CACNA1C: variants seen among roughly 807,000 people sequenced by gnomAD.
CACNA1C encodes voltage-dependent L-type calcium channel subunit alpha-1C.
CACNA1C carries 30 observed loss-of-function variants against 229.0 expected under a neutral mutation model. The observed-to-expected ratio is 0.13, with a 90% CI of 0.10 to 0.18. CACNA1C has a LOEUF of 0.18. Among genes scored for constraint, CACNA1C ranks in the 10% least tolerant of loss-of-function variants. The pLI is 1.00. For synonymous variants in CACNA1C, 1,114 were observed against 1,132.5 expected, an observed-to-expected ratio of 0.98 and a Z score of 0.33; for missense variants, 1,658 against 2,845.0, an observed-to-expected ratio of 0.58 and a Z score of 9.49.
At chr12:2,074,680 G>A (rs2238019) in intron 1 of CACNA1C, among the ~76,000 whole-genome samples, 109,313 of 152,084 alleles carry the variant, frequency 0.72, 39,640 homozygotes, top group Middle Eastern at 0.81. Context: ...TGCCCTTTCC[G>A]CAGCAAATGG....
At chr12:2,395,654 A>T (rs1057377403) in intron 3 of CACNA1C, among the ~76,000 whole-genome samples, 13 of 152,212 alleles carry the variant, frequency 8.5e-5, no homozygotes, top group African/African-American at 3.1e-4. Context: ...GGAACCATCC[A>T]GGAGAAACCA....
intron 5 of CACNA1C, among the ~76,000 whole-genome samples, chr12:2,477,168 C>T (rs1248354618): frequency 6.6e-6 from 1 of 152,196 alleles, no homozygotes; most frequent in East Asian, 1.9e-4. Flanking sequence ...CTAGCCAGTG[C>T]AACATGATTC....
At chr12:2,364,152 G>A (rs1310884886) in intron 3 of CACNA1C, among the ~76,000 whole-genome samples, 2 of 152,172 alleles carry the variant, frequency 1.3e-5, no homozygotes, top group Non-Finnish European at 2.9e-5. Flanking sequence ...AGGTGAGGCC[G>A]GAGTGAAGGC....
chr12:2,288,402 C>T (rs1019585768), intron 3 of CACNA1C, among the ~76,000 whole-genome samples: 5 of 152,202 alleles, frequency 3.3e-5, no homozygotes, highest in African/African-American at 1.2e-4. Context: ...ACCTAGAAAG[C>T]ATGGTCAGTT....
At chr12:2,078,809 G>A (rs1331380605) in intron 1 of CACNA1C, among the ~76,000 whole-genome samples, 1 of 152,188 alleles carries the variant, frequency 6.6e-6, no homozygotes, top group South Asian at 2.1e-4. Context: ...AAATCATGCT[G>A]CTATAAAGAC....
chr12:2,564,951 C>T (rs998717164), intron 11 of CACNA1C, among the ~76,000 whole-genome samples: 3 of 152,184 alleles, frequency 2.0e-5, no homozygotes, highest in East Asian at 3.9e-4. Flanking sequence ...GCAGTCTCCT[C>T]CTCAGCACCT....
At chr12:2,056,175 G>A (rs2054667949) in intron 1 of CACNA1C, among the ~76,000 whole-genome samples, 2 of 150,220 alleles carry the variant, frequency 1.3e-5, no homozygotes, top group Non-Finnish European at 3.0e-5. Context: ...CGTGGAGTGT[G>A]TGCATGTGTG....
chr12:2,597,171 C>A lies in CACNA1C; in HGVS notation c.2794-59C>A. 9.0e-7 allele frequency: 1 copy of A among 1,108,622 alleles called. No individual in the cohort carries two copies. The highest frequency in any genetic ancestry group is 1.4e-6 in the Non-Finnish European group (1 of 728,186). 68.7% of individuals were successfully genotyped at this position (1,108,622 alleles called of 1,614,324 possible). On this transcript the variant is annotated intron_variant, in intron 20 of 46. Coordinates refer to ENST00000399655, the MANE Select transcript of CACNA1C (RefSeq NM_000719.7). The surrounding 1 kb of genome is among the most constrained non-coding windows in gnomAD (Gnocchi z 4.3). The stretch of plus-strand genomic sequence containing the variant: ...GGTGAACATCCACTGACCTCTCTTC[C>A]CGTCCTGCTTTTCTCCCTTCCCCAT...
intron 3 of CACNA1C, among the ~76,000 whole-genome samples, chr12:2,316,899 C>T (rs187478539): frequency 1.1e-4 from 17 of 152,270 alleles, no homozygotes; most frequent in East Asian, 5.8e-4. Flanking sequence ...GAGACTTGGA[C>T]TGAATGAGAA....
In CACNA1C at chr12:2,608,485, TC is replaced by T. The variant is rs1349719243; in HGVS notation, c.3357-25del. On this transcript the variant is annotated intron_variant, in intron 26 of 46. Coordinates refer to ENST00000399655, the MANE Select transcript of CACNA1C (RefSeq NM_000719.7). The surrounding 1 kb of genome is among the most constrained non-coding windows in gnomAD (Gnocchi z 4.2). ...AGGGGACCCTGCTTCTCCAGTTCCC[TC>T]TGTGGGACCTGTCTCCTCCTGCAGG... The T allele has an allele frequency of 6.4e-7, 1 of 1,572,874 alleles. No homozygotes were observed. The highest frequency in any genetic ancestry group is 1.4e-5 in the African/African-American group (1 of 74,034).
intron 30 of CACNA1C, among the ~76,000 whole-genome samples, chr12:2,645,272 G>A (rs147661206): frequency 2.0e-5 from 3 of 152,224 alleles, no homozygotes; most frequent in South Asian, 2.1e-4. Context: ...GGAATCCTAC[G>A]GCCCCTTTCT....
chr12:2,434,077 T>C (rs140262692), intron 3 of CACNA1C, among the ~76,000 whole-genome samples: 6 of 152,306 alleles, frequency 3.9e-5, no homozygotes, highest in Non-Finnish European at 7.4e-5. Context: ...TCCCGGGGGA[T>C]GCTGCACTGG....
chr12:2,636,988 G>A (rs1010434391), intron 30 of CACNA1C, among the ~76,000 whole-genome samples: 1 of 152,154 alleles, frequency 6.6e-6, no homozygotes, highest in Non-Finnish European at 1.5e-5. Context: ...GGTGTCCTGA[G>A]ACCCAACACC....
Position 2,686,133 on chromosome 12 carries a change from G to C in CACNA1C, c.5681-33G>C, listed in dbSNP as rs139824963. The C allele has an allele frequency of 2.3e-4, 354 of 1,559,076 alleles. 2 individuals are homozygous for C. In the African/African-American group the frequency reaches 4.4e-3, roughly 19 times the overall value. ...TCACAGGCCAGTGCCCTGTTTTCCTGCCCTGATGGTGGCTCTCTGGCTGGC... is the reference window on the plus strand; with the variant it reads ...TCACAGGCCAGTGCCCTGTTTTCCTCCCCTGATGGTGGCTCTCTGGCTGGC... On this transcript the variant is annotated intron_variant, in intron 44 of 46. Transcript: ENST00000399655.
At chr12:2,144,044 T>C (rs908305227) in intron 3 of CACNA1C, among the ~76,000 whole-genome samples, 10 of 151,380 alleles carry the variant, frequency 6.6e-5, no homozygotes, top group African/African-American at 2.4e-4. Context: ...CAAACAAAGA[T>C]GAACTGATCC....
intron 4 of CACNA1C, among the ~76,000 whole-genome samples, chr12:2,449,854 A>C (rs2099344471): frequency 6.6e-6 from 1 of 152,220 alleles, no homozygotes; most frequent in African/African-American, 2.4e-5. Flanking sequence ...GTGAGCATGC[A>C]GTCTGCAGGT....
At chr12:2,371,867 T>C (rs1431476471) in intron 3 of CACNA1C, among the ~76,000 whole-genome samples, 2 of 151,900 alleles carry the variant, frequency 1.3e-5, no homozygotes, top group East Asian at 3.9e-4. Context: ...GCCAAAGAAA[T>C]TGATGTTGAG....
chr12:2,607,645 T>C (rs1390043857), intron 26 of CACNA1C, among the ~76,000 whole-genome samples: 1 of 152,274 alleles, frequency 6.6e-6, no homozygotes, highest in Non-Finnish European at 1.5e-5. Context: ...CCACTTCCTC[T>C]GCAGAGGCAA....
intron 5 of CACNA1C, among the ~76,000 whole-genome samples, chr12:2,459,503 T>TCCCTCCC (rs2154565387): frequency 6.6e-6 from 1 of 152,302 alleles, no homozygotes; most frequent in South Asian, 2.1e-4. Flanking sequence ...TTGTGGCCTG[T>TCCCTCCC]CTTAGGCTCA....
Sources: gnomAD v4.1 joint callset for allele counts (sites outside exome capture counted in the v4.1 genomes callset) on GRCh38, gnomAD v4.1.1 for gene constraint, Gnocchi (gnomAD v3.1) non-coding constraint, MANE v1.5 for transcripts, NCBI Gene and HGNC (gene_info 2026-07-23, HGNC 2026-07-21) for gene names.